Variants in NLRP5 observed in about 807,000 individuals in gnomAD.
NLRP5 encodes the protein NLR family pyrin domain containing 5, also known as NACHT, LRR and PYD domains-containing protein 5.
In NLRP5, 93 loss-of-function variants were observed where a neutral mutation model predicts 113.1. The ratio of observed to expected loss-of-function variants is 0.82; its 90% CI spans 0.70 to 0.98. The LOEUF (loss-of-function observed/expected upper bound fraction) is 0.98. NLRP5 is among the 50% of genes least tolerant of loss of function. The pLI is 0.00. For missense variants in NLRP5, 1,808 were observed against 1,514.3 expected, an observed-to-expected ratio of 1.19 and a Z score of -3.22; for synonymous variants, 751 against 600.7, an observed-to-expected ratio of 1.25 and a Z score of -3.66.
At chr19:56,013,595 G>GTTTTTTTTTTTTTTTTTTTTTTTTTTTTT (rs1418924718) in intron 3 of NLRP5, among the ~76,000 whole-genome samples, 1 of 30,984 alleles carries the variant, frequency 3.2e-5, no homozygotes, top group Non-Finnish European at 5.7e-5. Flanking sequence ...TGGACATTTG[G>GTTTTTTTTTTTTTTTTTTTTTTTTTTTTT]GTTTTTTTTT....
chr19:56,028,945 A>C (rs563619923), intron 7 of NLRP5, among the ~76,000 whole-genome samples: 47 of 152,128 alleles, frequency 3.1e-4, no homozygotes, highest in Non-Finnish European at 5.6e-4. Flanking sequence ...TTGTAATTTT[A>C]GTAGAGATGG....
chr19:56,004,861 G>T (rs1028930544), intron 2 of NLRP5, among the ~76,000 whole-genome samples: 1 of 151,934 alleles, frequency 6.6e-6, no homozygotes, highest in African/African-American at 2.4e-5. Flanking sequence ...GGGAGGCTGA[G>T]GTGGGTGGAT....
At chr19:56,001,931 C>T (rs1347100556) in intron 1 of NLRP5, among the ~76,000 whole-genome samples, 1 of 152,106 alleles carries the variant, frequency 6.6e-6, no homozygotes, top group East Asian at 1.9e-4. Context: ...TCAAACTGGC[C>T]AACCAGTACT....
At chr19:55,990,534 T>C in the NLRP5 span, among the ~76,000 whole-genome samples, 5 of 151,726 alleles carry the variant, frequency 3.3e-5, no homozygotes, top group African/African-American at 1.2e-4. Context: ...CTACTAAAAA[T>C]ACAAAAATTA....
intron 7 of NLRP5, among the ~76,000 whole-genome samples, chr19:56,032,079 T>A (rs1983137720): frequency 6.6e-6 from 1 of 152,100 alleles, no homozygotes; most frequent in Non-Finnish European, 1.5e-5. Flanking sequence ...CGGTGGTGGC[T>A]CACACCTGTA....
rs1166153337 is a variant in NLRP5, at chr19:56,019,411, G to A, written c.622+13G>A. On this transcript the variant is annotated intron_variant, in intron 5 of 14. Coordinates refer to ENST00000390649, the MANE Select transcript of NLRP5 (RefSeq NM_153447.4). ...ACAGAAGAACAAGGTGAGGAAAATA[G>A]ATGTATTCCTTGGTTGCCCTCCTGG... 15 of 1,612,026 alleles carry A rather than the reference G, an allele frequency of 9.3e-6. No individual in the cohort carries two copies. The highest frequency in any genetic ancestry group is 1.7e-5 in the Admixed American group (1 of 59,902).
rs1174057763 is a variant in NLRP5, at chr19:56,027,967, G to C, written c.1734G>C (p.Glu578Asp). The C allele has an allele frequency of 6.2e-7, 1 of 1,614,000 alleles. No individual in the cohort carries two copies. The highest frequency in any genetic ancestry group is 8.5e-7 in the Non-Finnish European group (1 of 1,179,886). Residue 578 changes from glutamate to aspartate, a missense_variant, in exon 7 of 15, where the codon GAG (glutamate) becomes GAC (aspartate). Transcript: ENST00000390649. ...TTCTCCCAGACAGCCACTGTGAGGA[G>C]TACTACACCTTCTTCCACCTCAGTC...
the NLRP5 span, among the ~76,000 whole-genome samples, chr19:55,990,655 T>C: frequency 6.6e-6 from 1 of 151,764 alleles, no homozygotes; most frequent in Non-Finnish European, 1.5e-5. Flanking sequence ...TGAAACCCCG[T>C]CTCTACTAAA....
chr19:56,028,619 G>A (rs1231396301), intron 7 of NLRP5, 110 bp downstream of exon 7: 20 of 1,072,258 alleles, frequency 1.9e-5, no homozygotes, highest in Non-Finnish European at 2.4e-5. Context: ...AATTCTTTCA[G>A]GATGAATGGC....
chr19:56,038,086 T>A lies in NLRP5; in HGVS notation c.2677T>A (p.Ser893Thr), dbSNP rs769920247. Residue 893 changes from serine to threonine, a missense_variant, in exon 10 of 15, where the codon TCC (serine) becomes ACC (threonine). By Grantham distance (58) the Ser-to-Thr change is moderately conservative. Transcript: ENST00000390649. ...GAAGATCTCCCAAATCCTTACGACC[T>A]CCCCCAGCCTGAAATCTCTGAGCCT... The A allele has an allele frequency of 4.3e-5, 70 of 1,613,520 alleles. 1 individual carries two copies. The East Asian group carries it at 1.2e-3, about 29-fold the overall frequency.
Position 56,033,661 on chromosome 19 carries a change from T to C in NLRP5, c.2567T>C (p.Met856Thr). 6.2e-7 allele frequency: 1 copy of C among 1,613,978 alleles called. No individual in the cohort carries two copies. Among genetic ancestry groups the C allele is most frequent in the Non-Finnish European group, 8.5e-7 (1 of 1,179,834 alleles). The change falls in exon 9 of 15, where the codon ATG becomes ACG. Residue 856 changes from methionine to threonine, a missense_variant. Physicochemically the swap from Met to Thr is moderately conservative, Grantham distance 81. Transcript: ENST00000390649. ...CACCTGAAGGAAGAGGATGTAAGGATGGCGTGTGAAGCCTTAAAACACCCA... is the reference window on the plus strand; with the variant it reads ...CACCTGAAGGAAGAGGATGTAAGGACGGCGTGTGAAGCCTTAAAACACCCA...
intron 3 of NLRP5, among the ~76,000 whole-genome samples, chr19:56,012,664 A>G (rs1342311063): frequency 4.3e-5 from 3 of 69,480 alleles, no homozygotes; most frequent in Admixed American, 1.5e-4. Flanking sequence ...CGATCTTACA[A>G]TTATTTTCCT....
At chr19:55,987,749 C>T in the NLRP5 span, 153 of 1,196,288 alleles carry the variant, frequency 1.3e-4, no homozygotes, top group Middle Eastern at 5.7e-4. Context: ...AAAATGCAAG[C>T]TTAGGGAAGT....
Position 56,027,664 on chromosome 19 carries a change from C to G in NLRP5, c.1431C>G (p.Ile477Met). The change falls in exon 7 of 15, where the codon ATC becomes ATG. Residue 477 changes from isoleucine (I) to methionine (M), a missense_variant. Transcript: ENST00000390649. ...AGGTGCCCGCCGTGGGCTCTCTCAT[C>G]TGCGTGGCCCTGCAGCTGCAGGACG... 2 of 1,613,448 alleles carry G rather than the reference C, an allele frequency of 1.2e-6. No individual in the cohort carries two copies. Among genetic ancestry groups the G allele is most frequent in the Non-Finnish European group, 1.7e-6 (2 of 1,179,896 alleles).
intron 2 of NLRP5, among the ~76,000 whole-genome samples, chr19:56,006,427 TAAAA>T (rs148833780): frequency 2.6e-5 from 4 of 151,404 alleles, no homozygotes; most frequent in Admixed American, 6.6e-5. Context: ...AGTATAATTT[TAAAA>T]AAAAAATGGA....
At chr19:56,022,213 A>G (rs564644117) in intron 6 of NLRP5, among the ~76,000 whole-genome samples, 1 of 152,224 alleles carries the variant, frequency 6.6e-6, no homozygotes, top group Admixed American at 6.5e-5. Context: ...AAGGGGAGAT[A>G]CACTCTCCAC....
intron 11 of NLRP5, among the ~76,000 whole-genome samples, chr19:56,049,378 T>G (rs112660163): frequency 5.3e-5 from 8 of 151,966 alleles, no homozygotes; most frequent in African/African-American, 1.9e-4. Context: ...ATGGGGTTTC[T>G]CCATGTTGGT....
intron 3 of NLRP5, 130 bp from the exon 4 acceptor site, chr19:56,015,612 G>T (rs748136861): frequency 1.7e-6 from 1 of 595,596 alleles, no homozygotes; most frequent in Non-Finnish European, 2.7e-6. Flanking sequence ...CTGAGCCAGT[G>T]GTTCTGTGCT....
the NLRP5 span, among the ~76,000 whole-genome samples, chr19:55,992,921 C>T: frequency 6.6e-6 from 1 of 151,896 alleles, no homozygotes; most frequent in Admixed American, 6.6e-5. Context: ...GCAATCTTGG[C>T]TCACTGCAAC....
Sources: allele counts gnomAD v4.1 joint callset (sites outside exome capture counted in the v4.1 genomes callset), GRCh38; gene constraint gnomAD v4.1.1; transcripts MANE v1.5; gene names NCBI Gene and HGNC (gene_info 2026-07-23, HGNC 2026-07-21).